Variants in PCSK1 observed in about 807,000 individuals in gnomAD.
PCSK1 encodes the protein proprotein convertase subtilisin/kexin type 1.
Under a neutral mutation model 90.6 loss-of-function variants are expected in PCSK1, and 56 were observed. The observed-to-expected ratio is 0.62, with a 90% CI of 0.50 to 0.77. PCSK1 has a LOEUF of 0.77. Ranked by LOEUF, PCSK1 falls within the 30% of genes least tolerant of loss-of-function variation. The pLI is 0.00. For missense variants in PCSK1, 801 were observed against 932.6 expected, an observed-to-expected ratio of 0.86 and a Z score of 1.84; for synonymous variants, 348 against 342.4, an observed-to-expected ratio of 1.02 and a Z score of -0.18.
Position 96,392,934 on chromosome 5 carries a change from G to C in PCSK1, c.*67C>G, listed in dbSNP as rs1383211794. On this transcript the variant is annotated 3_prime_UTR_variant, in exon 14 of 14. Transcript: ENST00000311106. ...AATTCATGACAAAACAACCACTTCA[G>C]ACACAGGCAAAATCGCAGGGTAAGG... is the stretch of plus-strand genomic sequence containing the variant. 2 of 1,533,290 alleles carry C rather than the reference G, an allele frequency of 1.3e-6. No homozygotes were observed. Among genetic ancestry groups the C allele is most frequent in the Non-Finnish European group, 1.8e-6 (2 of 1,108,220 alleles). 95.0% of individuals were successfully genotyped at this position (1,533,290 alleles called of 1,614,324 possible).
chr5:96,412,988 G>A (rs775947656), intron 6 of PCSK1: 3 of 998,404 alleles, frequency 3.0e-6, no homozygotes, highest in Non-Finnish European at 3.6e-6. Context: ...CCCACAAATG[G>A]CTGTGGCCCA....
intron 8 of PCSK1, among the ~76,000 whole-genome samples, chr5:96,409,480 T>C (rs1020990327): frequency 6.6e-6 from 1 of 152,220 alleles, no homozygotes; most frequent in African/African-American, 2.4e-5. Context: ...GTTATGTTAC[T>C]GAGACTGTCT....
In PCSK1 at chr5:96,421,932, T is replaced by C. The variant is rs1561374479; in HGVS notation, c.568A>G (p.Asn190Asp). 3.2e-6 allele frequency: 5 copies of C among 1,572,040 alleles called. No individual in the cohort carries two copies. In the African/African-American group the frequency reaches 5.6e-5, roughly 18 times the overall value. The change falls in exon 5 of 14, where the codon AAT becomes GAT. Residue 190 changes from asparagine to aspartate, a missense_variant. Coordinates refer to ENST00000311106, the MANE Select transcript of PCSK1 (RefSeq NM_000439.5). Reference sequence around the variant, plus strand: ...GGAAATGGATCATGGTCATTATCATTAAAATCATAGCTAGCCTCTGGATCC... The same window carrying C: ...GGAAATGGATCATGGTCATTATCATCAAAATCATAGCTAGCCTCTGGATCC... ...NYDPEASYDFNDNDHDPFPRY... is the reference protein window; with the variant it reads ...NYDPEASYDFDDNDHDPFPRY...
intron 1 of PCSK1, chr5:96,432,214 C>T (rs1406620910): frequency 8.2e-7 from 1 of 1,225,446 alleles, no homozygotes; most frequent in Admixed American, 2.0e-5. Context: ...GCCGGAGCTC[C>T]CTAGAGAGTC....
chr5:96,429,717 T>C (rs1359934019), intron 1 of PCSK1, among the ~76,000 whole-genome samples: 1 of 152,206 alleles, frequency 6.6e-6, no homozygotes, highest in Non-Finnish European at 1.5e-5. Context: ...TTCGGTTTTC[T>C]GTTCCTGTGT....
chr5:96,407,503 A>C (rs1323039510), intron 9 of PCSK1, among the ~76,000 whole-genome samples: 1 of 152,228 alleles, frequency 6.6e-6, no homozygotes, highest in Non-Finnish European at 1.5e-5. Context: ...AGGGAATATA[A>C]AATGGTATAG....
In PCSK1 at chr5:96,397,382, C is replaced by T; in HGVS notation, c.1676G>A (p.Trp559Ter). Reference sequence around the variant, plus strand: ...CCAAGTACCTATAGGGTTCTCTCCCCATGTGTGAACAGACATGAAGTCCCA... The same window carrying T: ...CCAAGTACCTATAGGGTTCTCTCCCTATGTGTGAACAGACATGAAGTCCCA... The part of the protein sequence containing the change: ...KNWDFMSVHT[W>*]GENPIGTWTL... Residue 559 changes from tryptophan to a stop codon, truncating the protein, a stop_gained, in exon 12 of 14, where the codon TGG (tryptophan) becomes TAG (stop). Coordinates refer to ENST00000311106, the MANE Select transcript of PCSK1 (RefSeq NM_000439.5). LOFTEE classifies it high-confidence loss of function. 1 of 1,611,826 alleles carries T rather than the reference C, an allele frequency of 6.2e-7. No homozygotes were observed. Among genetic ancestry groups the T allele is most frequent in the Non-Finnish European group, 8.5e-7 (1 of 1,177,944 alleles).
rs1759911405 is a variant in PCSK1, at chr5:96,390,741, A to G, written c.*2260T>C. On this transcript the variant is annotated 3_prime_UTR_variant, in exon 14 of 14. Transcript: ENST00000311106. ...TTTAAAATTTCAAGGGAAATAGTAT[A>G]TAAGTTTTCTCTTTGACATTTTCAC... The G allele has an allele frequency of 6.5e-6, 1 of 152,684 alleles. No homozygotes were observed. The highest frequency in any genetic ancestry group is 1.5e-5 in the Non-Finnish European group (1 of 68,042). The allele number at this position is 152,684 out of a possible 1,614,324, so 9.5% of individuals were successfully genotyped here.
intron 6 of PCSK1, among the ~76,000 whole-genome samples, chr5:96,415,101 G>C (rs1760898310): frequency 6.6e-6 from 1 of 152,154 alleles, no homozygotes; most frequent in African/African-American, 2.4e-5. Context: ...GAAAGCCTGA[G>C]GTTGGGATAG....
chr5:96,412,752 GTTTT>G (rs57397343), intron 6 of PCSK1, among the ~76,000 whole-genome samples: 14 of 71,806 alleles, frequency 1.9e-4, no homozygotes, highest in African/African-American at 1.3e-3. Context: ...CAGCTGTGAT[GTTTT>G]TTTTTTTTTT....
intron 4 of PCSK1, 25 bp from the exon 5 acceptor site, chr5:96,421,981 CTG>C: frequency 1.4e-6 from 1 of 739,238 alleles, no homozygotes; most frequent in Middle Eastern, 3.5e-4. Flanking sequence ...AAATATAACA[CTG>C]TGGCAGCATT....
chr5:96,406,485 GC>G (rs1289977911), intron 9 of PCSK1, among the ~76,000 whole-genome samples: 1 of 152,106 alleles, frequency 6.6e-6, no homozygotes, highest in African/African-American at 2.4e-5. Flanking sequence ...CATCTTGCCA[GC>G]CCCTCCAAGT....
chr5:96,426,077 G>A, intron 2 of PCSK1, 147 bp from the exon 3 acceptor site: 1 of 676,806 alleles, frequency 1.5e-6, no homozygotes, highest in Non-Finnish European at 2.7e-6. Flanking sequence ...GCACCTCAGT[G>A]AGAAGAAGGG....
chr5:96,402,456 G>C (rs932889206), intron 9 of PCSK1, among the ~76,000 whole-genome samples: 4 of 152,116 alleles, frequency 2.6e-5, no homozygotes, highest in African/African-American at 4.8e-5. Flanking sequence ...GAGAGGAGGG[G>C]AAACATCTAG....
chr5:96,422,014 AAAAAAG>A (rs953642279), intron 4 of PCSK1, 58 bp from the exon 5 acceptor site: 1 of 888,080 alleles, frequency 1.1e-6, no homozygotes. Context: ...AAAAAAAAAA[AAAAAAG>A]CATCACTTCC....
In PCSK1 at chr5:96,393,325, G is replaced by C; in HGVS notation, c.1938C>G (p.Pro646=). 1 of 1,614,108 alleles carries C rather than the reference G, an allele frequency of 6.2e-7. No individual in the cohort carries two copies. Among genetic ancestry groups the C allele is most frequent in the East Asian group, 2.2e-5 (1 of 44,880 alleles). Residue 646 remains proline, a synonymous_variant, in exon 14 of 14, where the codon CCC becomes CCG. Coordinates refer to ENST00000311106, the MANE Select transcript of PCSK1 (RefSeq NM_000439.5). ...PKENTLVSKS[P]SSSSVGGRRD... is the part of the protein sequence containing the mutation. ...TCCGGCCCCCTACGCTGCTGCTGCT[G>C]GGGCTTTTGGACACCAGGGTGTTCT...
intron 5 of PCSK1, among the ~76,000 whole-genome samples, chr5:96,416,696 G>A (rs1168672812): frequency 6.6e-6 from 1 of 152,174 alleles, no homozygotes; most frequent in African/African-American, 2.4e-5. Flanking sequence ...CTGGTACCAA[G>A]AGGAGCTTGA....
At chr5:96,406,030 G>C (rs1485473197) in intron 9 of PCSK1, among the ~76,000 whole-genome samples, 1 of 152,096 alleles carries the variant, frequency 6.6e-6, no homozygotes, top group Non-Finnish European at 1.5e-5. Context: ...ATAATCCATA[G>C]GACCCTATTT....
At position 96,412,945 on chromosome 5, in the gene PCSK1, C is replaced by A. The variant is rs146892510; in HGVS notation, c.710-455G>T. The A allele has an allele frequency of 2.4e-3, 2,462 of 1,026,842 alleles. 47 individuals carry two copies. The African/African-American group carries it at 0.041, about 17-fold the overall frequency. 63.6% of individuals were successfully genotyped at this position (1,026,842 alleles called of 1,614,324 possible). A position where few individuals can be genotyped will look rare whatever the true frequency, so the allele number is the denominator to read the frequency against. On this transcript the variant is annotated intron_variant, in intron 6 of 13. Transcript: ENST00000311106. ...CCAGCTTTCAGAAAGACCCTCCAAG[C>A]AGCCCTCTGGTGATGCACCTCCTCA...
Sources: gnomAD v4.1 joint callset for allele counts (sites outside exome capture counted in the v4.1 genomes callset) on GRCh38, gnomAD v4.1.1 for gene constraint, MANE v1.5 for transcripts, NCBI Gene and HGNC (gene_info 2026-07-23, HGNC 2026-07-21) for gene names.